EBF1: variants seen among roughly 807,000 people sequenced by gnomAD.
EBF1 encodes transcription factor COE1.
In EBF1, 10 loss-of-function variants were observed where a neutral mutation model predicts 68.4. The ratio of observed to expected loss-of-function variants is 0.15; its 90% CI spans 0.09 to 0.25. EBF1 has a LOEUF of 0.25. Among genes scored for constraint, EBF1 ranks in the 10% least tolerant of loss-of-function variants. EBF1 has a pLI of 1.00. For missense variants in EBF1, 509 were observed against 794.4 expected, an observed-to-expected ratio of 0.64 and a Z score of 4.32; for synonymous variants, 298 against 299.8, an observed-to-expected ratio of 0.99 and a Z score of 0.06.
At chr5:158,753,105 G>T (rs888326218) in intron 10 of EBF1, among the ~76,000 whole-genome samples, 1 of 152,014 alleles carries the variant, frequency 6.6e-6, no homozygotes, top group African/African-American at 2.4e-5. Flanking sequence ...ACTATAGTAA[G>T]AAAGCAGAAA....
intron 10 of EBF1, among the ~76,000 whole-genome samples, chr5:158,752,752 A>G (rs770001076): frequency 5.3e-4 from 80 of 152,210 alleles, no homozygotes; most frequent in Non-Finnish European, 1.1e-3. Context: ...TGCAGCAAAT[A>G]AGAAGTGAAA....
intron 4 of EBF1, among the ~76,000 whole-genome samples, chr5:159,086,676 T>A (rs1296051095): frequency 6.6e-6 from 1 of 152,180 alleles, no homozygotes; most frequent in Non-Finnish European, 1.5e-5. Context: ...ATTGGCAACA[T>A]AAATTCTGAC....
At chr5:158,993,190 G>A (rs1313412374) in intron 6 of EBF1, among the ~76,000 whole-genome samples, 1 of 151,534 alleles carries the variant, frequency 6.6e-6, no homozygotes, top group Non-Finnish European at 1.5e-5. Context: ...GGGATTACAG[G>A]TGCACGCTGC....
chr5:158,874,849 C>T (rs1199684922), intron 6 of EBF1, among the ~76,000 whole-genome samples: 1 of 152,116 alleles, frequency 6.6e-6, no homozygotes, highest in East Asian at 1.9e-4. Flanking sequence ...AAGTAACAGG[C>T]CTCAGAGTGT....
intron 10 of EBF1, among the ~76,000 whole-genome samples, chr5:158,740,522 A>G (rs1052786840): frequency 6.6e-6 from 1 of 152,234 alleles, no homozygotes; most frequent in Non-Finnish European, 1.5e-5. Context: ...CAAATCATCC[A>G]CTAATTCCAC....
chr5:159,086,499 A>G (rs1001484751), intron 4 of EBF1, among the ~76,000 whole-genome samples: 1 of 152,160 alleles, frequency 6.6e-6, no homozygotes, highest in African/African-American at 2.4e-5. Flanking sequence ...TGACATTGAT[A>G]TTTTTGAAGA....
At chr5:158,907,991 C>CA (rs887801330) in intron 6 of EBF1, among the ~76,000 whole-genome samples, 1 of 151,640 alleles carries the variant, frequency 6.6e-6, no homozygotes, top group Admixed American at 6.6e-5. Flanking sequence ...AAAAGGAGTC[C>CA]AAAAAAAATT....
intron 4 of EBF1, among the ~76,000 whole-genome samples, chr5:159,085,783 T>C (rs1425908352): frequency 6.6e-6 from 1 of 152,062 alleles, no homozygotes; most frequent in East Asian, 1.9e-4. Flanking sequence ...ATATAGTATA[T>C]ATATCTTTAT....
At chr5:158,761,801 C>T (rs1279568675) in intron 10 of EBF1, among the ~76,000 whole-genome samples, 1 of 152,020 alleles carries the variant, frequency 6.6e-6, no homozygotes, top group African/African-American at 2.4e-5. Flanking sequence ...TTGGTGATTT[C>T]TTTAGAAAAT....
intron 6 of EBF1, among the ~76,000 whole-genome samples, chr5:158,979,679 GAA>G: frequency 6.9e-6 from 1 of 144,974 alleles, no homozygotes; most frequent in African/African-American, 2.6e-5. Flanking sequence ...AATTTTTAAG[GAA>G]AAAAAAAAAG....
chr5:158,697,297 G>GA lies in EBF1; in HGVS notation c.*1813dup, dbSNP rs751776266. ...ATTTTTTTTTTTTTGCCATATATTG[G>GA]AAAAAACTTCTTAACTTACAAATAA... On this transcript the variant is annotated 3_prime_UTR_variant, in exon 16 of 16. Transcript: ENST00000313708. 1.3e-4 allele frequency: 25 copies of GA among 188,956 alleles called. No individual in the cohort carries two copies. Among genetic ancestry groups the GA allele is most frequent in the Admixed American group, 3.1e-4 (5 of 15,980 alleles). 11.7% of individuals were successfully genotyped at this position (188,956 alleles called of 1,614,324 possible).
At chr5:158,846,224 G>A (rs1420316676) in intron 6 of EBF1, among the ~76,000 whole-genome samples, 1 of 152,158 alleles carries the variant, frequency 6.6e-6, no homozygotes, top group Admixed American at 6.5e-5. Flanking sequence ...TCTGTGTGAA[G>A]TTCAAGCTGC....
At chr5:159,023,048 A>T (rs1339072101) in intron 6 of EBF1, among the ~76,000 whole-genome samples, 1 of 152,156 alleles carries the variant, frequency 6.6e-6, no homozygotes, top group East Asian at 1.9e-4. Flanking sequence ...CATAGCAAAG[A>T]TCTTGCGCTT....
intron 11 of EBF1, among the ~76,000 whole-genome samples, chr5:158,721,718 T>C (rs1337456025): frequency 6.6e-6 from 1 of 152,176 alleles, no homozygotes; most frequent in Non-Finnish European, 1.5e-5. Flanking sequence ...TTTACTATGA[T>C]GGATAACTAA....
chr5:158,980,679 G>T (rs1434265198), intron 6 of EBF1, among the ~76,000 whole-genome samples: 1 of 152,174 alleles, frequency 6.6e-6, no homozygotes, highest in Admixed American at 6.5e-5. Flanking sequence ...ATATCTCATG[G>T]CATTCCCCCT....
intron 6 of EBF1, among the ~76,000 whole-genome samples, chr5:158,936,115 CA>C (rs1370580935): frequency 6.6e-6 from 1 of 152,184 alleles, no homozygotes; most frequent in Non-Finnish European, 1.5e-5. Flanking sequence ...AGGTGTCTGA[CA>C]ACACAAAATG....
chr5:158,944,617 G>A (rs1191435607), intron 6 of EBF1, among the ~76,000 whole-genome samples: 1 of 152,142 alleles, frequency 6.6e-6, no homozygotes, highest in Admixed American at 6.5e-5. Context: ...TTGTATTTCT[G>A]GTTCTAGATC....
intron 6 of EBF1, among the ~76,000 whole-genome samples, chr5:158,863,687 A>C (rs1309415703): frequency 6.6e-6 from 1 of 152,260 alleles, no homozygotes; most frequent in East Asian, 1.9e-4. Context: ...TTGTATTAAC[A>C]AAAAACATCT....
intron 6 of EBF1, among the ~76,000 whole-genome samples, chr5:158,922,125 T>C (rs1044625463): frequency 1.3e-5 from 2 of 152,344 alleles, no homozygotes; most frequent in Admixed American, 6.5e-5. Context: ...TTTCAGGGGA[T>C]AGAAAATCAG....
Sources: gnomAD v4.1 joint callset for allele counts (sites outside exome capture counted in the v4.1 genomes callset) on GRCh38, gnomAD v4.1.1 for gene constraint, MANE v1.5 for transcripts, NCBI Gene and HGNC (gene_info 2026-07-23, HGNC 2026-07-21) for gene names.